The following NECAB2 variants were observed in gnomAD, a reference collection of about 807,000 sequenced individuals.
NECAB2 encodes N-terminal EF-hand calcium binding protein 2, also known as N-terminal EF-hand calcium-binding protein 2.
In NECAB2, 68 loss-of-function variants were observed where a neutral mutation model predicts 51.9. The ratio of observed to expected loss-of-function variants is 1.31; its 90% CI spans 1.08 to 1.60. The LOEUF (loss-of-function observed/expected upper bound fraction) is 1.60. Among genes scored for constraint, NECAB2 ranks in the 40% most tolerant of loss-of-function variants. The pLI is 0.00. For synonymous variants in NECAB2, 329 were observed against 203.5 expected (o/e 1.62, Z -5.25); for missense variants, 854 against 490.3 (o/e 1.74, Z -7.00).
Position 83,998,269 on chromosome 16 carries a change from C to G in NECAB2, c.914C>G (p.Ser305Cys), listed in dbSNP as rs767677203. The change falls in exon 10 of 13, where the codon TCT (serine) becomes TGT (cysteine). Residue 305 changes from serine to cysteine, a missense_variant. Transcript: ENST00000305202. ...GAGCAACTGAGCGAGTTTCTGGACT[C>G]TCTGCGCCAGTATCTGCGGGGGACC... is the stretch of plus-strand genomic sequence containing the variant. ...CPEQLSEFLD[S>C]LRQYLRGTTG... 6 of 1,613,258 alleles carry G rather than the reference C, an allele frequency of 3.7e-6. No individual in the cohort carries two copies. The highest frequency in any genetic ancestry group is 4.5e-5 in the East Asian group (2 of 44,870).
upstream of NECAB2, among the ~76,000 whole-genome samples, chr16:83,967,869 A>T (rs1468446882): frequency 9.5e-6 from 1 of 105,444 alleles, no homozygotes; most frequent in Non-Finnish European, 2.0e-5. Flanking sequence ...TGGATGGATG[A>T]ATGGTTGGGA....
At chr16:84,001,794 C>A in intron 11 of NECAB2, 31 bp from the exon 12 acceptor site, 2 of 1,612,444 alleles carry the variant, frequency 1.2e-6, no homozygotes, top group Admixed American at 1.7e-5. Flanking sequence ...ACTCCTGCCA[C>A]CCCTGACTCA....
chr16:84,001,967 GCAAGAGC>G (rs751982287), intron 12 of NECAB2, 51 bp downstream of exon 12: 2 of 1,580,388 alleles, frequency 1.3e-6, no homozygotes, highest in Non-Finnish European at 1.7e-6. Context: ...GGAGAGAAGG[GCAAGAGC>G]CTAGAGGCTG....
chr16:83,998,835 G>A (rs2084762440), intron 10 of NECAB2, among the ~76,000 whole-genome samples: 1 of 151,706 alleles, frequency 6.6e-6, no homozygotes, highest in African/African-American at 2.4e-5. Flanking sequence ...CCAGGGCGGG[G>A]CAAGCGGCCT....
At chr16:83,994,107 A>C (rs562823253) in intron 6 of NECAB2, among the ~76,000 whole-genome samples, 195 bp from the exon 7 acceptor site, 1 of 152,328 alleles carries the variant, frequency 6.6e-6, no homozygotes, top group East Asian at 1.9e-4. Flanking sequence ...CTGCCCAGCT[A>C]GCTGCGTGGC....
At chr16:83,978,286 C>T (rs913859392) in intron 2 of NECAB2, among the ~76,000 whole-genome samples, 158 bp from the exon 3 acceptor site, 2 of 152,070 alleles carry the variant, frequency 1.3e-5, no homozygotes, top group Middle Eastern at 3.2e-3. Flanking sequence ...TGGAATTTGT[C>T]TTTTAGTTTG....
At chr16:83,990,434 C>G in intron 5 of NECAB2, 60 bp from the exon 6 acceptor site, 1 of 1,594,426 alleles carries the variant, frequency 6.3e-7, no homozygotes, top group Non-Finnish European at 8.6e-7. Flanking sequence ...TGTGCTAGAC[C>G]CCACCTCCAA....
In NECAB2 at chr16:83,971,273, TGGGAG is replaced by T. The variant is rs555517572; in HGVS notation, c.202-876_202-872del. Among the ~76,000 whole-genome samples the T allele has an allele frequency of 2.2e-3, 338 of 152,300 alleles. 2 individuals are homozygous for T. Among genetic ancestry groups the T allele is most frequent in the African/African-American group, 7.9e-3 (327 of 41,568 alleles). ...AGCGCACAGGTGTCAACATTGGGCC[TGGGAG>T]GCTTTAAAAATGCTGAAATCAGAGT... On this transcript the variant is annotated intron_variant, in intron 1 of 12. Coordinates refer to ENST00000305202, the MANE Select transcript of NECAB2 (RefSeq NM_019065.3).
rs1176798335 is a variant in NECAB2, at chr16:83,997,245, G to A, written c.825G>A (p.Leu275=). The change falls in exon 9 of 13, where the codon CTG becomes CTA. Residue 275 remains leucine (L), a synonymous_variant. Coordinates refer to ENST00000305202, the MANE Select transcript of NECAB2 (RefSeq NM_019065.3). ...TGTGGTTCGACCTGCAGCAGCGCCTGTCAGATGAAGATGGCACCAACATGG... is the reference window on the plus strand; with the variant it reads ...TGTGGTTCGACCTGCAGCAGCGCCTATCAGATGAAGATGGCACCAACATGG... ...KALWFDLQQR[L]SDEDGTNMHL... is the part of the protein sequence containing the mutation. 3 of 1,614,162 alleles carry A rather than the reference G, an allele frequency of 1.9e-6. No homozygotes were observed. Among genetic ancestry groups the A allele is most frequent in the South Asian group, 2.2e-5 (2 of 91,082 alleles).
chr16:83,998,567 C>T (rs899070377), intron 10 of NECAB2, among the ~76,000 whole-genome samples: 5 of 152,186 alleles, frequency 3.3e-5, no homozygotes, highest in African/African-American at 1.2e-4. Flanking sequence ...CCCAGGACTC[C>T]TTGCTGGGGT....
At chr16:83,998,802 C>T (rs1165715504) in intron 10 of NECAB2, among the ~76,000 whole-genome samples, 1 of 92,250 alleles carries the variant, frequency 1.1e-5, no homozygotes, top group Admixed American at 9.6e-5. Flanking sequence ...AGTTGCCCTT[C>T]TCCCCCTGAT....
At chr16:83,974,083 C>T (rs1363356724) in intron 2 of NECAB2, among the ~76,000 whole-genome samples, 1 of 152,066 alleles carries the variant, frequency 6.6e-6, no homozygotes, top group African/African-American at 2.4e-5. Context: ...TTACTGCAGC[C>T]TCCTCAAAGG....
intron 5 of NECAB2, among the ~76,000 whole-genome samples, chr16:83,984,885 G>A (rs1383137223): frequency 6.6e-6 from 1 of 152,010 alleles, no homozygotes; most frequent in Admixed American, 6.6e-5. Flanking sequence ...TTCATGACAT[G>A]TTTTCTTATT....
intron 3 of NECAB2, among the ~76,000 whole-genome samples, chr16:83,979,537 T>G (rs7193047): frequency 0.29 from 43,333 of 151,896 alleles, 11,056 homozygotes; most frequent in African/African-American, 0.69. Context: ...GGCTCCAGAC[T>G]GCAGAATGGA....
At position 83,996,384 on chromosome 16, in the gene NECAB2, TC is replaced by T. The variant is rs2084699335; in HGVS notation, c.796-829del. Among the ~76,000 whole-genome samples the T allele has an allele frequency of 1.1e-4, 16 of 152,142 alleles. No individual in the cohort carries two copies. In the South Asian group the frequency reaches 3.3e-3, roughly 32 times the overall value. On this transcript the variant is annotated intron_variant, in intron 8 of 12. Coordinates refer to ENST00000305202, the MANE Select transcript of NECAB2 (RefSeq NM_019065.3). ...CCCAGTGCAAAATGAGCGTGCAAGGTCCCTTGCTCAAACATTTAGAACGTCA... is the reference window on the plus strand; with the variant it reads ...CCCAGTGCAAAATGAGCGTGCAAGGTCCTTGCTCAAACATTTAGAACGTCA...
In NECAB2 at chr16:84,001,886, C is replaced by G. The variant is rs757902304; in HGVS notation, c.1102C>G (p.Pro368Ala). The change falls in exon 12 of 13, where the codon CCT becomes GCT. Residue 368 changes from proline to alanine, a missense_variant. Pro to Ala is a conservative substitution (Grantham distance 27, BLOSUM62 -1). Coordinates refer to ENST00000305202, the MANE Select transcript of NECAB2 (RefSeq NM_019065.3). ...RHVKVDTLSQPEALSRILVPA... is the reference protein window; with the variant it reads ...RHVKVDTLSQAEALSRILVPA... ...CGTCAAGGTGGACACACTGAGCCAG[C>G]CTGAGGCCCTCTCCAGGATCTTGGT... 13 of 1,614,074 alleles carry G rather than the reference C, an allele frequency of 8.1e-6. No homozygotes were observed. Among genetic ancestry groups the G allele is most frequent in the South Asian group, 6.6e-5 (6 of 91,078 alleles).
intron 4 of NECAB2, 51 bp downstream of exon 4, chr16:83,980,915 G>C (rs1158894224): frequency 6.2e-7 from 1 of 1,612,454 alleles, no homozygotes; most frequent in African/African-American, 1.3e-5. Context: ...GGATGGGGCT[G>C]GATGAGAAGG....
intron 9 of NECAB2, 38 bp from the exon 10 acceptor site, chr16:83,998,167 A>T (rs376438186): frequency 6.3e-7 from 1 of 1,589,242 alleles, no homozygotes; most frequent in African/African-American, 1.3e-5. Context: ...AGAAGGCCTG[A>T]CGTGGAGCCC....
At chr16:83,998,827 A>C (rs56394703) in intron 10 of NECAB2, among the ~76,000 whole-genome samples, 9,108 of 151,646 alleles carry the variant, frequency 0.06, 269 homozygotes, top group East Asian at 0.11. Context: ...TGAGATGTCC[A>C]GGGCGGGGCA....
Sources: gnomAD v4.1 joint callset for allele counts (sites outside exome capture counted in the v4.1 genomes callset) on GRCh38, gnomAD v4.1.1 for gene constraint, MANE v1.5 for transcripts, NCBI Gene and HGNC (gene_info 2026-07-23, HGNC 2026-07-21) for gene names.